The following DACH2 variants were observed in gnomAD, a reference collection of about 807,000 sequenced individuals.
The protein encoded by DACH2 is dachshund family transcription factor 2.
A neutral mutation model predicts 35.8 loss-of-function variants in DACH2; 17 were observed. The ratio of observed to expected loss-of-function variants is 0.48; its 90% CI spans 0.33 to 0.71. The LOEUF is 0.71. DACH2 is among the 30% of genes least tolerant of loss of function. DACH2 has a pLI of 0.02. For missense variants in DACH2, 469 were observed against 472.7 expected, an observed-to-expected ratio of 0.99 and a Z score of 0.07; for synonymous variants, 195 against 177.3, an observed-to-expected ratio of 1.10 and a Z score of -0.79.
chrX:86,635,271 T>G (rs1156461073), intron 3 of DACH2, among the ~76,000 whole-genome samples: 1 of 106,569 alleles, frequency 9.4e-6, no homozygotes, highest in East Asian at 2.9e-4. Flanking sequence ...CAAAACCAGA[T>G]GATTATCTCA....
intron 1 of DACH2, among the ~76,000 whole-genome samples, chrX:86,188,413 A>C (rs752517235): frequency 9.0e-6 from 1 of 111,670 alleles, no homozygotes; most frequent in South Asian, 3.8e-4. Context: ...TGGCTAGACC[A>C]CCGATCTTAT....
At chrX:86,440,624 A>G (rs767376988) in intron 2 of DACH2, among the ~76,000 whole-genome samples, 44 of 111,431 alleles carry the variant, frequency 3.9e-4, no homozygotes, top group Non-Finnish European at 7.0e-4. Context: ...CACATCTAAC[A>G]TATTTGTTAC....
At chrX:86,450,647 C>T (rs1380092789) in intron 2 of DACH2, among the ~76,000 whole-genome samples, 2 of 110,482 alleles carry the variant, frequency 1.8e-5, no homozygotes, top group African/African-American at 3.3e-5. Context: ...GGAATTGCCA[C>T]GCTGTCTTCC....
At position 86,397,018 on chromosome X, in the gene DACH2, G is replaced by A. The variant is rs866089355; in HGVS notation, c.527+20156G>A. Among the ~76,000 whole-genome samples, 185 of 110,940 alleles carry A rather than the reference G, an allele frequency of 1.7e-3. 1 individual carries two copies. Among genetic ancestry groups the A allele is most frequent in the Non-Finnish European group, 3.1e-3 (162 of 52,915 alleles). On this transcript the variant is annotated intron_variant, in intron 2 of 11. Coordinates refer to ENST00000373125, the MANE Select transcript of DACH2 (RefSeq NM_053281.3). ...TTCACGATATTGATTCTTCCTACCC[G>A]TGAGCATGGAATGGTCTTCCATTTG...
In DACH2 at chrX:86,574,852, A is replaced by G. The variant is rs368992610; in HGVS notation, c.640+60461A>G. On this transcript the variant is annotated intron_variant, in intron 3 of 11. Coordinates refer to ENST00000373125, the MANE Select transcript of DACH2 (RefSeq NM_053281.3). ...TCAGGAATACATCAAGTATTGATAAACTGAGATGTGTACGTTAGTTATTCT... is the reference window on the plus strand; with the variant it reads ...TCAGGAATACATCAAGTATTGATAAGCTGAGATGTGTACGTTAGTTATTCT... 2.6e-4 allele frequency among the ~76,000 whole-genome samples: 29 copies of G among 111,710 alleles called. No homozygotes were observed. In the East Asian group the frequency reaches 2.8e-3, roughly 11 times the overall value.
At chrX:86,677,633 C>T (rs1427870475) in intron 4 of DACH2, among the ~76,000 whole-genome samples, 1 of 111,970 alleles carries the variant, frequency 8.9e-6, no homozygotes, top group African/African-American at 3.2e-5. Flanking sequence ...CATTAAGAGA[C>T]TGTGTGAGAA....
chrX:86,323,012 G>T (rs750662179), intron 1 of DACH2, among the ~76,000 whole-genome samples: 1 of 112,544 alleles, frequency 8.9e-6, no homozygotes, highest in Non-Finnish European at 1.9e-5. Flanking sequence ...GCAGAGGGAC[G>T]TAAAAGGGAG....
At chrX:86,554,106 C>T (rs1569438355) in intron 3 of DACH2, among the ~76,000 whole-genome samples, 1 of 110,944 alleles carries the variant, frequency 9.0e-6, no homozygotes, top group Non-Finnish European at 1.9e-5. Flanking sequence ...TTTGATAACT[C>T]ATATATTTTG....
rs776039905 is a variant in DACH2, at chrX:86,587,225, TG to T, written c.641-63810del. ...TTTGGCTCTGTTTGGATGTTATTGGTGTGTTGGGATAGTACTGATTTTTCTA... is the reference window on the plus strand; with the variant it reads ...TTTGGCTCTGTTTGGATGTTATTGGTTGTTGGGATAGTACTGATTTTTCTA... On this transcript the variant is annotated intron_variant, in intron 3 of 11. Coordinates refer to ENST00000373125, the MANE Select transcript of DACH2 (RefSeq NM_053281.3). Among the ~76,000 whole-genome samples, 486 of 111,664 alleles carry T rather than the reference TG, an allele frequency of 4.4e-3. 3 individuals carry two copies. Among genetic ancestry groups the T allele is most frequent in the African/African-American group, 0.015 (469 of 30,794 alleles).
At position 86,464,436 on chromosome X, in the gene DACH2, G is replaced by A. The variant is rs191230175; in HGVS notation, c.528-49843G>A. On this transcript the variant is annotated intron_variant, in intron 2 of 11. Coordinates refer to ENST00000373125, the MANE Select transcript of DACH2 (RefSeq NM_053281.3). The stretch of plus-strand genomic sequence containing the variant: ...ACACAGGAACAGAAAACCAAACACC[G>A]CATGTTCTCACTCATAAGTGGGAGT... Among the ~76,000 whole-genome samples the A allele has an allele frequency of 4.4e-3, 492 of 111,079 alleles. 2 individuals are homozygous for A. Among genetic ancestry groups the A allele is most frequent in the African/African-American group, 0.015 (470 of 30,526 alleles).
chrX:86,498,205 C>G (rs1156384622), intron 2 of DACH2, among the ~76,000 whole-genome samples: 4 of 95,434 alleles, frequency 4.2e-5, no homozygotes, highest in African/African-American at 8.3e-5. Flanking sequence ...GGGACTTAGG[C>G]CTCTTTTTTT....
chrX:86,770,590 C>T (rs760656545), intron 7 of DACH2, among the ~76,000 whole-genome samples: 1 of 102,119 alleles, frequency 9.8e-6, no homozygotes, highest in South Asian at 4.1e-4. Context: ...ATGTTTCTCA[C>T]CTGACAGTTT....
At chrX:86,667,083 T>TAA (rs66948603) in intron 4 of DACH2, among the ~76,000 whole-genome samples, 2,314 of 55,688 alleles carry the variant, frequency 0.042, 191 homozygotes, top group African/African-American at 0.16. Flanking sequence ...CCATCTCTAC[T>TAA]AAAAAAAAAA....
intron 7 of DACH2, among the ~76,000 whole-genome samples, chrX:86,790,041 G>A (rs139543691): frequency 1.7e-3 from 194 of 111,859 alleles, no homozygotes; most frequent in African/African-American, 6.1e-3. Flanking sequence ...TATTTCACAT[G>A]TGTACTGTGT....
chrX:86,753,676 A>T (rs960741504), intron 7 of DACH2, among the ~76,000 whole-genome samples: 2 of 111,752 alleles, frequency 1.8e-5, no homozygotes, highest in Non-Finnish European at 3.8e-5. Context: ...TGAGAATGTA[A>T]TGATGAGAGA....
At chrX:86,390,669 A>G (rs1427447207) in intron 2 of DACH2, among the ~76,000 whole-genome samples, 1 of 110,258 alleles carries the variant, frequency 9.1e-6, no homozygotes, top group Non-Finnish European at 1.9e-5. Context: ...AGCTCACTGC[A>G]ACCTCCGCCT....
At chrX:86,828,052 C>T in intron 11 of DACH2, 1 of 281,166 alleles carries the variant, frequency 3.6e-6, no homozygotes. Flanking sequence ...GTTCATAGTG[C>T]TTCAAAAACA....
chrX:86,548,838 G>T (rs1340642198), intron 3 of DACH2, among the ~76,000 whole-genome samples: 1 of 112,031 alleles, frequency 8.9e-6, no homozygotes, highest in Non-Finnish European at 1.9e-5. Flanking sequence ...GTTCACTTCT[G>T]CTTATTTCGT....
chrX:86,547,240 T>C (rs1449203974), intron 3 of DACH2, among the ~76,000 whole-genome samples: 1 of 111,650 alleles, frequency 9.0e-6, no homozygotes, highest in Non-Finnish European at 1.9e-5. Flanking sequence ...TCAGTAAAAC[T>C]TTATTGAATA....
Sources: allele counts gnomAD v4.1 joint callset (sites outside exome capture counted in the v4.1 genomes callset), GRCh38; gene constraint gnomAD v4.1.1; transcripts MANE v1.5; gene names NCBI Gene and HGNC (gene_info 2026-07-23, HGNC 2026-07-21).